Variants in WIPF2 observed in about 807,000 individuals in gnomAD.
WIPF2 encodes the protein WAS/WASL interacting protein family member 2.
In WIPF2, 23 loss-of-function variants were observed where a neutral mutation model predicts 38.8. That is an observed-to-expected ratio of 0.59 (90% confidence interval 0.43 to 0.84). The LOEUF is 0.84. Among genes scored for constraint, WIPF2 ranks in the 40% least tolerant of loss-of-function variants. The pLI is 0.00. For synonymous variants in WIPF2, 210 were observed against 223.2 expected (o/e 0.94, Z 0.53); for missense variants, 574 against 580.5 (o/e 0.99, Z 0.11).
At position 40,223,533 on chromosome 17, in the gene WIPF2, G is replaced by GAA. The variant is rs58989731; in HGVS notation, c.-70+4050_-70+4051dup. ...TTCTAGACTCACTAGGTGTTTTTAG[G>GAA]AAAAAAAAAAGGCAAGAGGCAAGAG... On this transcript the variant is annotated intron_variant, in intron 1 of 7. Coordinates refer to ENST00000323571, the MANE Select transcript of WIPF2 (RefSeq NM_133264.5). 1.7e-4 allele frequency among the ~76,000 whole-genome samples: 24 copies of GAA among 142,996 alleles called. 1 individual carries two copies. In the South Asian group the frequency reaches 2.8e-3, roughly 17 times the overall value. The allele number at this position is 142,996 out of a possible 152,430, so 93.8% of individuals were successfully genotyped here. A position where few individuals can be genotyped will look rare whatever the true frequency, so the allele number is the denominator to read the frequency against.
intron 1 of WIPF2, among the ~76,000 whole-genome samples, chr17:40,239,631 T>C (rs1306103377): frequency 1.3e-5 from 2 of 151,994 alleles, no homozygotes; most frequent in Non-Finnish European, 2.9e-5. Flanking sequence ...CTTGATACCC[T>C]TATTTCCGTC....
chr17:40,248,506 C>T (rs1275011148), intron 1 of WIPF2, among the ~76,000 whole-genome samples: 3 of 152,140 alleles, frequency 2.0e-5, no homozygotes, highest in Non-Finnish European at 1.5e-5. Context: ...CAAGGTCTCA[C>T]TTTGTTACCC....
intron 1 of WIPF2, among the ~76,000 whole-genome samples, chr17:40,240,944 CA>C (rs199547902): frequency 0.066 from 5,746 of 86,972 alleles, 82 homozygotes; most frequent in Middle Eastern, 0.1. Context: ...GACTCCGTCT[CA>C]AAAAAAAAAA....
intron 3 of WIPF2, among the ~76,000 whole-genome samples, chr17:40,261,035 TAAAAAAAAAAA>T (rs34087528): frequency 1.1e-5 from 1 of 93,576 alleles, no homozygotes; most frequent in Non-Finnish European, 2.0e-5. Flanking sequence ...CTCAAAAAGG[TAAAAAAAAAAA>T]AAAAAAAAAA....
intron 1 of WIPF2, among the ~76,000 whole-genome samples, chr17:40,242,450 T>C (rs971136355): frequency 1.3e-5 from 2 of 152,116 alleles, no homozygotes; most frequent in African/African-American, 2.4e-5. Flanking sequence ...CTCACTCTGT[T>C]ACCCAGTGGC....
At chr17:40,244,543 C>G (rs1383741620) in intron 1 of WIPF2, among the ~76,000 whole-genome samples, 3 of 152,132 alleles carry the variant, frequency 2.0e-5, no homozygotes, top group Non-Finnish European at 2.9e-5. Context: ...GCCAGGAGAT[C>G]AAGTATAGTC....
In WIPF2 at chr17:40,220,680, C is replaced by G. The variant is rs1290110011; in HGVS notation, c.-70+1188C>G. On this transcript the variant is annotated intron_variant, in intron 1 of 7. Coordinates refer to ENST00000323571, the MANE Select transcript of WIPF2 (RefSeq NM_133264.5). ...ACAGAGTCTTGCCCTGTTGTCCAGG[C>G]TAGTCTGGAATTCCTGGGCTCAAGT... 6 of 143,130 alleles carry G rather than the reference C, an allele frequency of 4.2e-5. No individual in the cohort carries two copies. In the Admixed American group the frequency reaches 4.4e-4, roughly 10 times the overall value. The allele number at this position is 143,130 out of a possible 1,614,324, so 8.9% of individuals were successfully genotyped here.
intron 4 of WIPF2, 43 bp downstream of exon 4, chr17:40,262,684 A>G: frequency 6.5e-7 from 1 of 1,541,314 alleles, no homozygotes; most frequent in African/African-American, 1.4e-5. Context: ...CTGGTGTGTT[A>G]ATTTCTGATG....
At chr17:40,251,205 C>T (rs1207080061) in intron 1 of WIPF2, among the ~76,000 whole-genome samples, 3 of 152,094 alleles carry the variant, frequency 2.0e-5, no homozygotes, top group African/African-American at 2.4e-5. Context: ...TGAGCCACTG[C>T]GTCCAGCCTA....
At chr17:40,240,354 C>T (rs900015266) in intron 1 of WIPF2, among the ~76,000 whole-genome samples, 4 of 152,040 alleles carry the variant, frequency 2.6e-5, no homozygotes, top group Admixed American at 2.6e-4. Context: ...TGTGAGCCAC[C>T]GTGCCAGTCC....
intron 1 of WIPF2, among the ~76,000 whole-genome samples, chr17:40,237,076 T>C: frequency 6.6e-6 from 1 of 152,098 alleles, no homozygotes; most frequent in East Asian, 1.9e-4. Context: ...GTCTGGAAGC[T>C]TATTTCAATC....
chr17:40,248,481 C>A (rs1332671334), intron 1 of WIPF2, among the ~76,000 whole-genome samples: 1 of 151,964 alleles, frequency 6.6e-6, no homozygotes, highest in Admixed American at 6.6e-5. Flanking sequence ...AAAAATATTT[C>A]TTATTAAATA....
chr17:40,267,208 A>G (rs1261238403), intron 5 of WIPF2, among the ~76,000 whole-genome samples: 1 of 152,194 alleles, frequency 6.6e-6, no homozygotes, highest in Admixed American at 6.5e-5. Flanking sequence ...TTGCAGGTAC[A>G]GAAAAAGAGT....
intron 1 of WIPF2, among the ~76,000 whole-genome samples, chr17:40,238,772 G>A (rs2031076413): frequency 6.6e-6 from 1 of 151,394 alleles, no homozygotes; most frequent in Non-Finnish European, 1.5e-5. Context: ...TGCCATCAGT[G>A]TGGCTAATTT....
At chr17:40,264,429 T>C in intron 4 of WIPF2, 61 bp from the exon 5 acceptor site, 1 of 1,511,882 alleles carries the variant, frequency 6.6e-7, no homozygotes, top group Non-Finnish European at 9.2e-7. Flanking sequence ...CCGAGTGAAG[T>C]AGGGATACTG....
intron 5 of WIPF2, 112 bp downstream of exon 5, chr17:40,265,258 GT>G: frequency 7.5e-7 from 1 of 1,326,094 alleles, no homozygotes; most frequent in South Asian, 1.5e-5. Flanking sequence ...GGTTTATTGA[GT>G]ACCTTTTTAT....
chr17:40,219,819 G>C (rs897067697), intron 1 of WIPF2: 1 of 152,668 alleles, frequency 6.6e-6, no homozygotes, highest in Non-Finnish European at 1.5e-5. Context: ...AGGGTTGGGT[G>C]AGTTAAGGCG....
chr17:40,220,573 G>GTGTGTATATA (rs1431477384), intron 1 of WIPF2: 9 of 77,110 alleles, frequency 1.2e-4, no homozygotes, highest in Non-Finnish European at 1.5e-4. Flanking sequence ...GTGTGTGTGT[G>GTGTGTATATA]TATATATATA....
Position 40,264,878 on chromosome 17 carries a change from T to G in WIPF2, c.702T>G (p.Pro234=). Residue 234 remains proline, a synonymous_variant, in exon 5 of 8, where the codon CCT becomes CCG. Transcript: ENST00000323571. ...PPAPPPVKPP[P]SPVNIRTGPS... is the part of the protein sequence containing the mutation. ...CTCCACCCCCAGTCAAACCACCTCC[T>G]TCCCCTGTGAATATCAGAACAGGAC... The G allele has an allele frequency of 2.5e-6, 4 of 1,614,110 alleles. No individual in the cohort carries two copies. Among genetic ancestry groups the G allele is most frequent in the Non-Finnish European group, 3.4e-6 (4 of 1,180,022 alleles).
Sources: allele counts gnomAD v4.1 joint callset (sites outside exome capture counted in the v4.1 genomes callset), GRCh38; gene constraint gnomAD v4.1.1; transcripts MANE v1.5; gene names NCBI Gene and HGNC (gene_info 2026-07-23, HGNC 2026-07-21).